SFMBT2: variants seen among roughly 807,000 people sequenced by gnomAD.
SFMBT2 encodes the protein Scm like with four mbt domains 2.
In SFMBT2, 38 loss-of-function variants were observed where a neutral mutation model predicts 110.1. The ratio of observed to expected loss-of-function variants is 0.35; its 90% CI spans 0.27 to 0.45. SFMBT2 has a LOEUF of 0.45. SFMBT2 is among the 20% of genes least tolerant of loss of function. The pLI is 1.00. For missense variants in SFMBT2, 1,011 were observed against 1,094.9 expected, an observed-to-expected ratio of 0.92 and a Z score of 1.08; for synonymous variants, 425 against 425.4, an observed-to-expected ratio of 1.00 and a Z score of 0.01.
chr10:7,324,599 G>A (rs1843314892), intron 4 of SFMBT2, among the ~76,000 whole-genome samples: 1 of 152,160 alleles, frequency 6.6e-6, no homozygotes, highest in African/African-American at 2.4e-5. Context: ...TGGTCCCAAG[G>A]GAATGGTTGT....
At chr10:7,218,729 G>A (rs2131643683) in intron 11 of SFMBT2, among the ~76,000 whole-genome samples, 1 of 152,222 alleles carries the variant, frequency 6.6e-6, no homozygotes, top group African/African-American at 2.4e-5. Context: ...AGAAAATACT[G>A]CCCAAAATGT....
rs1206812291 is a variant in SFMBT2, at chr10:7,286,342, GA to G, written c.437-389del. ...AGGTGGGAAAATCAAACCAGGCCCC[GA>G]ATTACATGAACAGTTTATACAGTTT... On this transcript the variant is annotated intron_variant, in intron 4 of 20. Transcript: ENST00000397167. The G allele has an allele frequency of 1.5e-5, 14 of 926,120 alleles. No homozygotes were observed. In the African/African-American group the frequency reaches 2.5e-4, roughly 17 times the overall value. 57.4% of individuals were successfully genotyped at this position (926,120 alleles called of 1,614,324 possible).
chr10:7,254,230 A>C (rs1840918188), intron 7 of SFMBT2, among the ~76,000 whole-genome samples: 2 of 152,224 alleles, frequency 1.3e-5, no homozygotes, highest in Non-Finnish European at 2.9e-5. Context: ...CTTGACATCC[A>C]TTCCGATCCT....
intron 1 of SFMBT2, among the ~76,000 whole-genome samples, chr10:7,394,901 G>C (rs542328481): frequency 6.6e-6 from 1 of 152,204 alleles, no homozygotes; most frequent in East Asian, 1.9e-4. Flanking sequence ...CTCTCTTAGT[G>C]TCTGGCTCCT....
intron 4 of SFMBT2, among the ~76,000 whole-genome samples, chr10:7,333,171 A>G (rs1843614048): frequency 6.6e-6 from 1 of 152,200 alleles, no homozygotes; most frequent in Non-Finnish European, 1.5e-5. Context: ...CTTGCCAGAA[A>G]CAAGTTTTTC....
chr10:7,346,094 C>T (rs1014575914), intron 4 of SFMBT2, among the ~76,000 whole-genome samples: 6 of 152,176 alleles, frequency 3.9e-5, no homozygotes, highest in Admixed American at 1.3e-4. Context: ...TCAAGATTAA[C>T]GTCCAAGCAG....
At chr10:7,198,611 AAGTAGAC>A (rs1838851500) in intron 14 of SFMBT2, among the ~76,000 whole-genome samples, 1 of 152,242 alleles carries the variant, frequency 6.6e-6, no homozygotes, top group Admixed American at 6.5e-5. Flanking sequence ...GAAGACGGTG[AAGTAGAC>A]CTCACTGCAG....
intron 14 of SFMBT2, 60 bp from the exon 15 acceptor site, chr10:7,197,747 C>G: frequency 6.4e-7 from 1 of 1,572,620 alleles, no homozygotes; most frequent in South Asian, 1.2e-5. Flanking sequence ...CTAGGGGACC[C>G]CTAGACCCTT....
intron 4 of SFMBT2, among the ~76,000 whole-genome samples, chr10:7,330,476 T>C (rs1843530227): frequency 6.6e-6 from 1 of 152,148 alleles, no homozygotes. Flanking sequence ...CTTAGGGACA[T>C]ACACCACCCA....
intron 1 of SFMBT2, among the ~76,000 whole-genome samples, chr10:7,399,431 C>T (rs1457103909): frequency 6.6e-6 from 1 of 152,054 alleles, no homozygotes; most frequent in Non-Finnish European, 1.5e-5. Flanking sequence ...GGGGTTTCAC[C>T]ATGTTGGCCA....
At chr10:7,388,778 G>A (rs1241481782) in intron 1 of SFMBT2, among the ~76,000 whole-genome samples, 2 of 152,140 alleles carry the variant, frequency 1.3e-5, no homozygotes, top group African/African-American at 4.8e-5. Context: ...GAGCCCAGGT[G>A]AGAAGAGAAT....
At chr10:7,215,983 C>G (rs905901350) in intron 11 of SFMBT2, among the ~76,000 whole-genome samples, 26 of 152,234 alleles carry the variant, frequency 1.7e-4, no homozygotes, top group Admixed American at 1.5e-3. Flanking sequence ...CCTCTTCATT[C>G]TCTCTCGGAA....
At chr10:7,335,425 G>A (rs1004276621) in intron 4 of SFMBT2, among the ~76,000 whole-genome samples, 3 of 152,104 alleles carry the variant, frequency 2.0e-5, no homozygotes, top group Non-Finnish European at 4.4e-5. Context: ...CTATAGAACA[G>A]CATTACTTGG....
At chr10:7,169,065 C>T (rs1837788205) in intron 20 of SFMBT2, among the ~76,000 whole-genome samples, 2 of 152,170 alleles carry the variant, frequency 1.3e-5, no homozygotes, top group Admixed American at 6.5e-5. Context: ...CAGGTTCAAG[C>T]AATTCTCTTG....
chr10:7,264,594 T>C (rs1841324356), intron 7 of SFMBT2, among the ~76,000 whole-genome samples: 1 of 152,164 alleles, frequency 6.6e-6, no homozygotes, highest in Non-Finnish European at 1.5e-5. Flanking sequence ...CCTGGGCATA[T>C]GACTCACATC....
At chr10:7,189,018 G>A (rs1358214913) in intron 15 of SFMBT2, 4 of 430,044 alleles carry the variant, frequency 9.3e-6, no homozygotes, top group Non-Finnish European at 1.2e-5. Context: ...TCTAGTTGCA[G>A]AAAAGCTGAA....
chr10:7,342,611 A>T (rs868858440), intron 4 of SFMBT2, among the ~76,000 whole-genome samples: 6 of 151,630 alleles, frequency 4.0e-5, no homozygotes, highest in South Asian at 2.1e-4. Flanking sequence ...GGGTTTCACC[A>T]TGGTCTCGAT....
Position 7,171,543 on chromosome 10 carries a change from T to G in SFMBT2, c.2415+352A>C. On this transcript the variant is annotated intron_variant, in intron 19 of 20. Coordinates refer to ENST00000397167, the MANE Select transcript of SFMBT2 (RefSeq NM_001387889.1). The surrounding 1 kb of genome is among the most constrained non-coding windows in gnomAD (Gnocchi z 4.9). ...ACAGAGGTGTCCTATAGAGGGGACGTGGGAGCAAGACACAGCGCAGTCAGG... is the reference window on the plus strand; with the variant it reads ...ACAGAGGTGTCCTATAGAGGGGACGGGGGAGCAAGACACAGCGCAGTCAGG... 1 of 985,382 alleles carries G rather than the reference T, an allele frequency of 1.0e-6. No homozygotes were observed. The allele number at this position is 985,382 out of a possible 1,614,324, so 61.0% of individuals were successfully genotyped here. A position where few individuals can be genotyped will look rare whatever the true frequency, so the allele number is the denominator to read the frequency against.
chr10:7,189,584 T>A (rs1320206320), intron 15 of SFMBT2, among the ~76,000 whole-genome samples: 1 of 152,196 alleles, frequency 6.6e-6, no homozygotes, highest in African/African-American at 2.4e-5. Flanking sequence ...GCTGTTTGGA[T>A]AAAGACCTTA....
Sources: allele counts gnomAD v4.1 joint callset (sites outside exome capture counted in the v4.1 genomes callset), GRCh38; gene constraint gnomAD v4.1.1; non-coding constraint Gnocchi (gnomAD v3.1); transcripts MANE v1.5; gene names NCBI Gene and HGNC (gene_info 2026-07-23, HGNC 2026-07-21).